PRKCQ: variants seen among roughly 807,000 people sequenced by gnomAD.
PRKCQ encodes protein kinase C theta.
PRKCQ carries 41 observed loss-of-function variants against 91.2 expected under a neutral mutation model. That is an observed-to-expected ratio of 0.45 (90% CI 0.35 to 0.58). The LOEUF is 0.58. Ranked by LOEUF, PRKCQ falls within the 20% of genes least tolerant of loss-of-function variation. The pLI is 0.00. For synonymous variants in PRKCQ, 307 were observed against 316.9 expected, an observed-to-expected ratio of 0.97 and a Z score of 0.33; for missense variants, 673 against 896.5, an observed-to-expected ratio of 0.75 and a Z score of 3.18.
chr10:6,453,838 G>A (rs997707538), intron 15 of PRKCQ, among the ~76,000 whole-genome samples: 7 of 151,384 alleles, frequency 4.6e-5, no homozygotes, highest in African/African-American at 1.5e-4. Flanking sequence ...ACCAAACACC[G>A]CATGTTCTCA....
At chr10:6,418,770 C>A in the PRKCQ span, among the ~76,000 whole-genome samples, 1 of 152,164 alleles carries the variant, frequency 6.6e-6, no homozygotes, top group African/African-American at 2.4e-5. Context: ...AGGGAGAGAG[C>A]CTGTCTGTCT....
chr10:6,473,931 C>T (rs1288536115), intron 12 of PRKCQ, among the ~76,000 whole-genome samples: 4 of 151,996 alleles, frequency 2.6e-5, no homozygotes, highest in Non-Finnish European at 5.9e-5. Flanking sequence ...AAGATCCAAA[C>T]TTCTCTGCAA....
chr10:6,531,097 T>C (rs1410966479), intron 1 of PRKCQ, among the ~76,000 whole-genome samples: 1 of 152,118 alleles, frequency 6.6e-6, no homozygotes, highest in Non-Finnish European at 1.5e-5. Flanking sequence ...AACATCAGCA[T>C]CCCTGAGACC....
At chr10:6,399,803 A>G in the PRKCQ span, among the ~76,000 whole-genome samples, 1 of 151,400 alleles carries the variant, frequency 6.6e-6, no homozygotes, top group African/African-American at 2.4e-5. Context: ...TTCTCCAGGC[A>G]GAACAGAGAT....
intron 17 of PRKCQ, 24 bp from the exon 18 acceptor site, chr10:6,428,386 A>C: frequency 6.2e-7 from 1 of 1,601,596 alleles, no homozygotes; most frequent in Non-Finnish European, 8.5e-7. Flanking sequence ...TAAGGGAAGA[A>C]AGAAAGAGAA....
chr10:6,553,498 A>ATAAAAAAAT (rs773944977), intron 1 of PRKCQ, among the ~76,000 whole-genome samples: 6 of 37,230 alleles, frequency 1.6e-4, no homozygotes, highest in South Asian at 3.4e-3. Context: ...TCAAAAAAAA[A>ATAAAAAAAT]AAAAAAAAAA....
chr10:6,545,313 C>T (rs1308138469), intron 1 of PRKCQ, among the ~76,000 whole-genome samples: 2 of 152,162 alleles, frequency 1.3e-5, no homozygotes, highest in Non-Finnish European at 2.9e-5. Flanking sequence ...TTTATTAAAT[C>T]CTCACAACAA....
At chr10:6,571,024 G>A (rs760174863) in intron 1 of PRKCQ, among the ~76,000 whole-genome samples, 2 of 152,102 alleles carry the variant, frequency 1.3e-5, no homozygotes, top group African/African-American at 2.4e-5. Flanking sequence ...GCGAGGGGAC[G>A]GCGGAGGCAG....
intron 16 of PRKCQ, among the ~76,000 whole-genome samples, chr10:6,437,869 G>A (rs1833779801): frequency 6.6e-6 from 1 of 152,084 alleles, no homozygotes; most frequent in African/African-American, 2.4e-5. Context: ...AAGCCAGGAT[G>A]GTCTGGATCT....
chr10:6,450,097 T>C (rs200488869), intron 15 of PRKCQ, among the ~76,000 whole-genome samples: 45,544 of 144,204 alleles, frequency 0.32, 6,930 homozygotes, highest in East Asian at 0.42. Context: ...TAACTTTAAA[T>C]GTAAATGGAC....
chr10:6,471,355 T>G lies in PRKCQ; in HGVS notation c.1354-6951A>C, dbSNP rs140123201. On this transcript the variant is annotated intron_variant, in intron 12 of 17. Transcript: ENST00000263125. ...AGCAAAATCATCTTTCTGGGTCACGTAAGCTGAGAAGCCTGAGCGTCTGAA... is the reference window on the plus strand; with the variant it reads ...AGCAAAATCATCTTTCTGGGTCACGGAAGCTGAGAAGCCTGAGCGTCTGAA... Among the ~76,000 whole-genome samples the G allele has an allele frequency of 3.7e-3, 558 of 152,322 alleles. 5 individuals are homozygous for G. The highest frequency in any genetic ancestry group is 0.013 in the African/African-American group (531 of 41,572).
At chr10:6,424,976 C>T (rs1214239661), downstream of PRKCQ, among the ~76,000 whole-genome samples, 1 of 152,186 alleles carries the variant, frequency 6.6e-6, no homozygotes, top group Admixed American at 6.5e-5. Context: ...AGAGGACCGG[C>T]ATCGAAGAGA....
chr10:6,394,198 G>A, the PRKCQ span, among the ~76,000 whole-genome samples: 5 of 152,208 alleles, frequency 3.3e-5, no homozygotes, highest in African/African-American at 1.2e-4. Flanking sequence ...GTGATAAGCA[G>A]GGTGTAGCAC....
At chr10:6,462,080 A>G (rs567585253) in intron 14 of PRKCQ, among the ~76,000 whole-genome samples, 2 of 152,356 alleles carry the variant, frequency 1.3e-5, no homozygotes, top group African/African-American at 4.8e-5. Context: ...GAGAACCAGC[A>G]TAAAGGACAG....
chr10:6,486,840 G>A (rs1836950482), intron 8 of PRKCQ, among the ~76,000 whole-genome samples: 1 of 152,236 alleles, frequency 6.6e-6, no homozygotes, highest in Non-Finnish European at 1.5e-5. Context: ...TGAAGCCCAG[G>A]AGGCAGCCTC....
At chr10:6,564,891 C>T (rs546688374) in intron 1 of PRKCQ, among the ~76,000 whole-genome samples, 19 of 152,342 alleles carry the variant, frequency 1.2e-4, no homozygotes, top group Admixed American at 2.0e-4. Flanking sequence ...CCCACTTGTA[C>T]TTCATCCTTA....
At chr10:6,462,515 CCATT>C in intron 13 of PRKCQ, 150 bp from the exon 14 acceptor site, 1 of 663,374 alleles carries the variant, frequency 1.5e-6, no homozygotes, top group East Asian at 2.8e-5. Flanking sequence ...AAGATGTTGT[CCATT>C]CATTCTACAC....
the PRKCQ span, among the ~76,000 whole-genome samples, chr10:6,418,406 C>T: frequency 6.6e-6 from 1 of 152,172 alleles, no homozygotes; most frequent in Admixed American, 6.5e-5. Context: ...CTCTGACGTC[C>T]CCAGGAGGTG....
At chr10:6,534,528 G>T (rs1400338995) in intron 1 of PRKCQ, among the ~76,000 whole-genome samples, 3 of 151,918 alleles carry the variant, frequency 2.0e-5, no homozygotes, top group Non-Finnish European at 2.9e-5. Context: ...TTTATAGAAG[G>T]AAATGTGTAT....
Sources: allele counts gnomAD v4.1 joint callset (sites outside exome capture counted in the v4.1 genomes callset), GRCh38; gene constraint gnomAD v4.1.1; transcripts MANE v1.5; gene names NCBI Gene and HGNC (gene_info 2026-07-23, HGNC 2026-07-21).